The following ADAM32 variants were observed in gnomAD, a reference collection of about 807,000 sequenced individuals.
The protein encoded by ADAM32 is disintegrin and metalloproteinase domain-containing protein 32.
In ADAM32, 89 loss-of-function variants were observed where a neutral mutation model predicts 114.9. The ratio of observed to expected loss-of-function variants is 0.77; its 90% confidence interval spans 0.65 to 0.92. ADAM32 has a LOEUF of 0.92. ADAM32 is among the 40% of genes least tolerant of loss of function. The probability of loss-of-function intolerance (pLI) is 0.00; values close to 1 mark genes in which losing one functional copy is unlikely to be tolerated. For missense variants in ADAM32, 870 were observed against 932.8 expected, an observed-to-expected ratio of 0.93 and a Z score of 0.88; for synonymous variants, 285 against 307.5, an observed-to-expected ratio of 0.93 and a Z score of 0.77.
chr8:39,153,523 A>T (rs1418260302), intron 6 of ADAM32, among the ~76,000 whole-genome samples: 1 of 152,206 alleles, frequency 6.6e-6, no homozygotes, highest in African/African-American at 2.4e-5. Flanking sequence ...AGGTAAACAT[A>T]AGTACTGGAG....
At chr8:39,221,527 T>TA in intron 12 of ADAM32, 83 bp from the exon 13 acceptor site, 1 of 1,055,918 alleles carries the variant, frequency 9.5e-7, no homozygotes, top group Non-Finnish European at 1.4e-6. Context: ...ATTCAAACAG[T>TA]AAGCCCATCA....
intron 3 of ADAM32, among the ~76,000 whole-genome samples, chr8:39,139,582 G>A (rs1803017907): frequency 6.6e-6 from 1 of 152,188 alleles, no homozygotes; most frequent in Non-Finnish European, 1.5e-5. Context: ...CTGTAGCCTT[G>A]TAGTATAGTT....
intron 16 of ADAM32, among the ~76,000 whole-genome samples, chr8:39,243,479 A>G (rs952569148): frequency 9.2e-5 from 14 of 152,174 alleles, no homozygotes; most frequent in Admixed American, 4.6e-4. Flanking sequence ...TTTAGCATAT[A>G]CAACTAAATA....
At chr8:39,260,787 A>G (rs1222205351) in intron 19 of ADAM32, among the ~76,000 whole-genome samples, 1 of 151,700 alleles carries the variant, frequency 6.6e-6, no homozygotes, top group Non-Finnish European at 1.5e-5. Flanking sequence ...AGTGTTCCCT[A>G]CTCTTCAGTT....
intron 11 of ADAM32, among the ~76,000 whole-genome samples, chr8:39,210,835 C>T (rs1175546553): frequency 2.6e-5 from 4 of 152,024 alleles, no homozygotes. Context: ...GAAGTGATGT[C>T]TGTCCAAATC....
chr8:39,131,778 A>C (rs1283141531), intron 2 of ADAM32, among the ~76,000 whole-genome samples: 1 of 152,078 alleles, frequency 6.6e-6, no homozygotes, highest in Non-Finnish European at 1.5e-5. Flanking sequence ...ATATTAGTAT[A>C]ACTTCTCTTT....
chr8:39,244,640 A>T (rs1037553623), intron 16 of ADAM32, among the ~76,000 whole-genome samples: 1 of 152,190 alleles, frequency 6.6e-6, no homozygotes, highest in African/African-American at 2.4e-5. Flanking sequence ...CCTTATACAA[A>T]TATCAACTCA....
At chr8:39,147,290 A>T (rs1264920925) in intron 4 of ADAM32, 85 bp downstream of exon 4, 2 of 540,938 alleles carry the variant, frequency 3.7e-6, no homozygotes, top group African/African-American at 3.9e-5. Flanking sequence ...GGCTCTCAAG[A>T]TTCACAGGGG....
At chr8:39,274,586 A>G (rs1812958053) in intron 21 of ADAM32, among the ~76,000 whole-genome samples, 1 of 152,232 alleles carries the variant, frequency 6.6e-6, no homozygotes, top group African/African-American at 2.4e-5. Context: ...AGCTGATTCT[A>G]AAATGAGATA....
chr8:39,141,843 C>G (rs184467268), intron 3 of ADAM32, among the ~76,000 whole-genome samples: 134 of 152,232 alleles, frequency 8.8e-4, no homozygotes, highest in Non-Finnish European at 8.1e-4. Context: ...TTGTAGGTCT[C>G]TAAGGACTTG....
intron 2 of ADAM32, among the ~76,000 whole-genome samples, chr8:39,133,916 C>T (rs149297144): frequency 5.3e-5 from 8 of 152,262 alleles, no homozygotes; most frequent in South Asian, 2.1e-4. Flanking sequence ...CTGCTGGGAG[C>T]GCGTGAGGTT....
chr8:39,121,738 C>A (rs1840599460), intron 2 of ADAM32, among the ~76,000 whole-genome samples: 1 of 152,126 alleles, frequency 6.6e-6, no homozygotes, highest in Admixed American at 6.5e-5. Context: ...TTTCAGTAGT[C>A]TAGGATGTCA....
intron 12 of ADAM32, among the ~76,000 whole-genome samples, chr8:39,217,104 A>AATAT (rs60287633): frequency 1.9e-4 from 26 of 136,796 alleles, no homozygotes; most frequent in Non-Finnish European, 3.0e-4. Flanking sequence ...ATGTTTAAAG[A>AATAT]ATATATATAT....
chr8:39,150,195 G>A (rs1803740821), intron 5 of ADAM32, among the ~76,000 whole-genome samples: 1 of 152,122 alleles, frequency 6.6e-6, no homozygotes, highest in African/African-American at 2.4e-5. Context: ...CACTGTCTTG[G>A]AAAACAGGGA....
intron 2 of ADAM32, among the ~76,000 whole-genome samples, chr8:39,135,629 G>A (rs1051225982): frequency 6.6e-5 from 10 of 152,074 alleles, no homozygotes; most frequent in African/African-American, 2.4e-4. Flanking sequence ...TTTGTTCCGG[G>A]ATCCAATCCA....
intron 19 of ADAM32, among the ~76,000 whole-genome samples, chr8:39,269,645 G>T (rs530555437): frequency 5.3e-5 from 8 of 152,268 alleles, no homozygotes; most frequent in Admixed American, 5.2e-4. Flanking sequence ...CAAATCATTT[G>T]TAGCTCTTGC....
At chr8:39,126,778 C>G (rs1001687137) in intron 2 of ADAM32, among the ~76,000 whole-genome samples, 1 of 152,056 alleles carries the variant, frequency 6.6e-6, no homozygotes, top group African/African-American at 2.4e-5. Context: ...CAGCTTTTGC[C>G]CATTTAGTAT....
At chr8:39,121,369 A>G (rs1463337450) in intron 2 of ADAM32, among the ~76,000 whole-genome samples, 1 of 151,852 alleles carries the variant, frequency 6.6e-6, no homozygotes, top group Non-Finnish European at 1.5e-5. Context: ...CAAACACCGC[A>G]TGTTCTCACT....
At chr8:39,281,560 G>T (rs1473730287) in intron 23 of ADAM32, among the ~76,000 whole-genome samples, 4 of 152,148 alleles carry the variant, frequency 2.6e-5, no homozygotes, top group Non-Finnish European at 5.9e-5. Context: ...AAAACTCAAT[G>T]TGAACAACTG....
Sources: allele counts gnomAD v4.1 joint callset (sites outside exome capture counted in the v4.1 genomes callset), GRCh38; gene constraint gnomAD v4.1.1; transcripts MANE v1.5; gene names NCBI Gene and HGNC (gene_info 2026-07-23, HGNC 2026-07-21).